FAM178B: variants seen among roughly 807,000 people sequenced by gnomAD.
FAM178B encodes family with sequence similarity 178 member B.
A neutral mutation model predicts 91.7 loss-of-function variants in FAM178B; 82 were observed. The ratio of observed to expected loss-of-function variants is 0.89; its 90% CI spans 0.75 to 1.07. FAM178B has a LOEUF of 1.07. FAM178B is among the 50% of genes least tolerant of loss of function. The pLI is 0.00. For synonymous variants in FAM178B, 368 were observed against 359.4 expected (o/e 1.02, Z -0.27); for missense variants, 769 against 846.7 (o/e 0.91, Z 1.14).
rs117851641 is a variant in FAM178B, at chr2:96,893,552, C to T, written c.1776+374G>A. 3.0e-3 allele frequency among the ~76,000 whole-genome samples: 463 copies of T among 152,140 alleles called. 16 individuals are homozygous for T. The East Asian group carries it at 0.079, about 26-fold the overall frequency. On this transcript the variant is annotated intron_variant, in intron 14 of 16. Transcript: ENST00000490605. ...AGGGATGCCCTGCACGTCGAGACAA[C>T]CCTGCGCTTATCCTGATGTGCTCCC...
At chr2:96,951,132 G>A (rs2081920165) in intron 7 of FAM178B, among the ~76,000 whole-genome samples, 1 of 152,188 alleles carries the variant, frequency 6.6e-6, no homozygotes, top group Non-Finnish European at 1.5e-5. Flanking sequence ...GGGGGAAGCA[G>A]AGGCTCCCAG....
chr2:96,899,851 C>CTTTT, intron 13 of FAM178B, among the ~76,000 whole-genome samples: 1 of 113,512 alleles, frequency 8.8e-6, no homozygotes, highest in Admixed American at 1.0e-4. Context: ...ATTCCCCACT[C>CTTTT]TTTTTTTTTT....
intron 13 of FAM178B, chr2:96,895,149 G>A: frequency 7.8e-7 from 1 of 1,282,112 alleles, no homozygotes; most frequent in Non-Finnish European, 1.0e-6. Context: ...TTTCCTTCCA[G>A]GGGATTTTAA....
At chr2:96,977,049 G>A (rs916818062) in intron 1 of FAM178B, among the ~76,000 whole-genome samples, 1 of 151,316 alleles carries the variant, frequency 6.6e-6, no homozygotes, top group Non-Finnish European at 1.5e-5. Flanking sequence ...ACAAAAATTA[G>A]CTGGGCGTGG....
chr2:96,878,802 G>C (rs2080308841), intron 14 of FAM178B, among the ~76,000 whole-genome samples: 2 of 152,232 alleles, frequency 1.3e-5, no homozygotes, highest in African/African-American at 2.4e-5. Flanking sequence ...CTGTCCCCCA[G>C]CCTTGTGCTG....
At chr2:96,942,037 TAC>T (rs1382475273) in intron 8 of FAM178B, among the ~76,000 whole-genome samples, 1 of 152,210 alleles carries the variant, frequency 6.6e-6, no homozygotes. Context: ...GGTTAATATA[TAC>T]AAATCTGTAT....
rs1160529622 is a variant in FAM178B, at chr2:96,921,647, G to A, written c.1295C>T (p.Ala432Val). 1.9e-5 allele frequency: 30 copies of A among 1,551,336 alleles called. No individual in the cohort carries two copies. Among genetic ancestry groups the A allele is most frequent in the Non-Finnish European group, 2.4e-5 (27 of 1,146,968 alleles). ...CCCCGGCTGGGCCTGGGCACACAGC[G>A]CCAGAAACTGGAGAGAGAAAAGAGG... The part of the protein sequence containing the change: ...ISLGHIYKFL[A>V]LCAQAQPGAY... Residue 432 changes from alanine (A) to valine (V), a missense_variant, in exon 11 of 17, where the codon GCG becomes GTG. Ala to Val is a moderately conservative substitution (Grantham distance 64). Coordinates refer to ENST00000490605, the MANE Select transcript of FAM178B (RefSeq NM_001122646.3).
In FAM178B at chr2:96,876,319, G is replaced by A; in HGVS notation, c.2008-11C>T. On this transcript the variant is annotated splice_polypyrimidine_tract_variant and intron_variant, in intron 16 of 16. Coordinates refer to ENST00000490605, the MANE Select transcript of FAM178B (RefSeq NM_001122646.3). ...GCTGAAATACTGGGCCTGCGGCGAGGAGAAAAGCAGGCTGTGAGGGCCTGG... is the reference window on the plus strand; with the variant it reads ...GCTGAAATACTGGGCCTGCGGCGAGAAGAAAAGCAGGCTGTGAGGGCCTGG... 1 of 1,597,264 alleles carries A rather than the reference G, an allele frequency of 6.3e-7. No individual in the cohort carries two copies. The highest frequency in any genetic ancestry group is 8.5e-7 in the Non-Finnish European group (1 of 1,173,360).
At position 96,921,288 on chromosome 2, in the gene FAM178B, C is replaced by T. The variant is rs2081334163; in HGVS notation, c.1465-26G>A. ...CTGCAGGAGAACGGCACCCCATGGGCTACAGGAGGACACCGCCTTCCCCTT... is the reference window on the plus strand; with the variant it reads ...CTGCAGGAGAACGGCACCCCATGGGTTACAGGAGGACACCGCCTTCCCCTT... On this transcript the variant is annotated intron_variant, in intron 11 of 16. Transcript: ENST00000490605. 4 of 1,547,970 alleles carry T rather than the reference C, an allele frequency of 2.6e-6. No homozygotes were observed. In the South Asian group the frequency reaches 4.8e-5, roughly 18 times the overall value.
intron 6 of FAM178B, among the ~76,000 whole-genome samples, chr2:96,956,034 C>G (rs1383528429): frequency 6.6e-6 from 1 of 152,198 alleles, no homozygotes; most frequent in Admixed American, 6.5e-5. Flanking sequence ...CTCGCACCAA[C>G]AGTGGCAGAT....
chr2:96,986,521 A>C lies in FAM178B; in HGVS notation c.-208T>G. ...TCTGGGGATTGAGTTCCGACTCCAA[A>C]CCAAGCGGCCAGCTCACAGCCGCCG... is the stretch of plus-strand genomic sequence containing the variant. On this transcript the variant is annotated 5_prime_UTR_variant, in exon 1 of 17. Transcript: ENST00000490605. 1.3e-5 allele frequency: 8 copies of C among 596,564 alleles called. No homozygotes were observed. The highest frequency in any genetic ancestry group is 1.9e-5 in the African/African-American group (1 of 51,902). The allele number at this position is 596,564 out of a possible 1,614,324, so 37.0% of individuals were successfully genotyped here.
At chr2:96,879,571 C>T (rs950573116) in intron 14 of FAM178B, among the ~76,000 whole-genome samples, 2 of 152,264 alleles carry the variant, frequency 1.3e-5, no homozygotes, top group Non-Finnish European at 2.9e-5. Flanking sequence ...CCAAATACCG[C>T]AGTGCAAAAT....
At chr2:96,922,943 G>A (rs1463496934) in intron 10 of FAM178B, among the ~76,000 whole-genome samples, 1 of 150,578 alleles carries the variant, frequency 6.6e-6, no homozygotes, top group Non-Finnish European at 1.5e-5. Flanking sequence ...CAAAGTGCTG[G>A]CATTACAGGC....
At chr2:96,966,165 G>T (rs1559101300) in intron 5 of FAM178B, among the ~76,000 whole-genome samples, 1 of 151,888 alleles carries the variant, frequency 6.6e-6, no homozygotes. Flanking sequence ...CCTCCTCCAG[G>T]CTCCCACACG....
At chr2:96,957,895 C>T (rs192813272) in intron 6 of FAM178B, among the ~76,000 whole-genome samples, 1 of 152,116 alleles carries the variant, frequency 6.6e-6, no homozygotes, top group East Asian at 1.9e-4. Context: ...CCCCAATATT[C>T]CCCGCCGTAT....
chr2:96,891,596 G>A (rs2080682430), intron 14 of FAM178B, among the ~76,000 whole-genome samples: 1 of 152,216 alleles, frequency 6.6e-6, no homozygotes, highest in South Asian at 2.1e-4. Context: ...TGGACAGGGG[G>A]CAAGCAAAGG....
chr2:96,906,972 C>T (rs1305277833), intron 12 of FAM178B, among the ~76,000 whole-genome samples: 3 of 152,226 alleles, frequency 2.0e-5, no homozygotes, highest in African/African-American at 4.8e-5. Context: ...CTGCCCGGCC[C>T]GGGGGTGAGG....
chr2:96,887,778 A>G (rs1400670142), intron 14 of FAM178B, among the ~76,000 whole-genome samples: 2 of 152,174 alleles, frequency 1.3e-5, no homozygotes, highest in Non-Finnish European at 2.9e-5. Context: ...AAGGATGAGG[A>G]GACCCAGGTA....
intron 16 of FAM178B, 57 bp from the exon 17 acceptor site, chr2:96,876,365 C>T (rs1201063999): frequency 6.4e-7 from 1 of 1,562,264 alleles, no homozygotes; most frequent in African/African-American, 1.3e-5. Context: ...TGCCCACTGC[C>T]CTGCAGCTCC....
Sources: allele counts gnomAD v4.1 joint callset (sites outside exome capture counted in the v4.1 genomes callset), GRCh38; gene constraint gnomAD v4.1.1; transcripts MANE v1.5; gene names NCBI Gene and HGNC (gene_info 2026-07-23, HGNC 2026-07-21).